The following FAM221A variants were observed in gnomAD, a reference collection of about 807,000 sequenced individuals.
The protein encoded by FAM221A is protein FAM221A.
FAM221A carries 43 observed loss-of-function variants against 37.6 expected under a neutral mutation model. The observed-to-expected ratio is 1.15, with a 90% CI of 0.90 to 1.48. The LOEUF (loss-of-function observed/expected upper bound fraction) is 1.48, where lower values mean the gene tolerates loss of function less well. FAM221A is among the 40% of genes most tolerant of loss of function. The probability of loss-of-function intolerance (pLI) is 0.00; values close to 1 mark genes in which losing one functional copy is unlikely to be tolerated. For missense variants in FAM221A, 361 were observed against 361.5 expected (o/e 1.00, Z 0.01); for synonymous variants, 135 against 132.9 (o/e 1.02, Z -0.11).
At chr7:23,684,048 G>A (rs891326364) in intron 1 of FAM221A, among the ~76,000 whole-genome samples, 1 of 151,880 alleles carries the variant, frequency 6.6e-6, no homozygotes, top group African/African-American at 2.4e-5. Flanking sequence ...TCCAGGTGCT[G>A]GGGTGATTAC....
At chr7:23,681,999 G>A (rs1315801555) in intron 1 of FAM221A, among the ~76,000 whole-genome samples, 1 of 152,110 alleles carries the variant, frequency 6.6e-6, no homozygotes, top group Non-Finnish European at 1.5e-5. Flanking sequence ...ACTGTGGGAG[G>A]CCCTGACCAG....
rs1785186052 is a variant in FAM221A, at chr7:23,698,240, G to A, written c.686G>A (p.Ser229Asn). Residue 229 changes from serine to asparagine, a missense_variant, in exon 5 of 7, where the codon AGC (serine) becomes AAC (asparagine). Transcript: ENST00000344962. ...GAATCTCCCATTACGGCAGTAGACA[G>A]CCCATTCCTAAAAGCATTTCAAGCA... ...FLESPITAVDSPFLKAFQASS... is the reference protein window; with the variant it reads ...FLESPITAVDNPFLKAFQASS... 1.9e-6 allele frequency: 3 copies of A among 1,598,740 alleles called. No individual in the cohort carries two copies. In the East Asian group the frequency reaches 6.8e-5, roughly 36 times the overall value.
chr7:23,700,937 A>T (rs1366792372), intron 6 of FAM221A, 69 bp downstream of exon 6: 1 of 1,002,746 alleles, frequency 1.0e-6, no homozygotes, highest in Non-Finnish European at 1.5e-6. Context: ...ATGATTATAC[A>T]TTGAATGTGG....
chr7:23,680,974 C>T (rs1390797016), intron 1 of FAM221A, among the ~76,000 whole-genome samples: 1 of 152,156 alleles, frequency 6.6e-6, no homozygotes, highest in Non-Finnish European at 1.5e-5. Context: ...GCTCCAGGCT[C>T]CGCCAGGGAG....
intron 2 of FAM221A, chr7:23,687,108 A>C (rs1784421411): frequency 6.6e-6 from 1 of 152,238 alleles, no homozygotes; most frequent in Non-Finnish European, 1.5e-5. Context: ...ATGTGTGTGC[A>C]TAAAATACTG....
chr7:23,699,946 C>T (rs1785304065), intron 5 of FAM221A, among the ~76,000 whole-genome samples: 1 of 152,144 alleles, frequency 6.6e-6, no homozygotes, highest in African/African-American at 2.4e-5. Flanking sequence ...AGGCTGGGCT[C>T]AAATGGTCCC....
At chr7:23,692,529 T>A in intron 4 of FAM221A, 1 of 284,660 alleles carries the variant, frequency 3.5e-6, no homozygotes, top group Middle Eastern at 1.8e-3. Context: ...TTAGTAGAGA[T>A]GGGGGTTTCT....
At chr7:23,681,958 G>A (rs1195002336) in intron 1 of FAM221A, among the ~76,000 whole-genome samples, 1 of 152,072 alleles carries the variant, frequency 6.6e-6, no homozygotes, top group Non-Finnish European at 1.5e-5. Flanking sequence ...GGAGTCGGTT[G>A]GGAGGGGAAG....
intron 6 of FAM221A, among the ~76,000 whole-genome samples, chr7:23,701,245 T>TTC (rs1196362803): frequency 6.8e-6 from 1 of 147,640 alleles, no homozygotes; most frequent in African/African-American, 2.5e-5. Flanking sequence ...TCTCTTTTTT[T>TTC]TTTTTTTTTT....
At chr7:23,685,030 ACG>A in intron 2 of FAM221A, among the ~76,000 whole-genome samples, 1 of 152,214 alleles carries the variant, frequency 6.6e-6, no homozygotes. Flanking sequence ...TGGGTGGATC[ACG>A]AGGTCAGGAG....
At chr7:23,690,470 G>A (rs1186478813) in intron 3 of FAM221A, among the ~76,000 whole-genome samples, 2 of 151,992 alleles carry the variant, frequency 1.3e-5, no homozygotes, top group African/African-American at 4.8e-5. Context: ...CTCCCAAAGT[G>A]CTGGGATTCC....
intron 3 of FAM221A, among the ~76,000 whole-genome samples, chr7:23,690,190 TATA>T (rs1381430271): frequency 5.2e-5 from 3 of 57,648 alleles, no homozygotes; most frequent in Admixed American, 2.1e-4. Context: ...TATATATATA[TATA>T]TATATATTTT....
rs1218214025 is a variant in FAM221A, at chr7:23,690,195, A to AT, written c.430+737dup. On this transcript the variant is annotated intron_variant, in intron 3 of 6. Coordinates refer to ENST00000344962, the MANE Select transcript of FAM221A (RefSeq NM_199136.5). ...CATATATATATATATATATATATAT[A>AT]TATATTTTTTTTTTTTTTAATAGAG... Among the ~76,000 whole-genome samples the AT allele has an allele frequency of 7.9e-3, 307 of 38,658 alleles. 1 individual carries two copies. The highest frequency in any genetic ancestry group is 0.021 in the African/African-American group (208 of 10,096). 25.4% of individuals were successfully genotyped at this position (38,658 alleles called of 152,430 possible).
chr7:23,685,292 CAAAACAAAACA>C (rs1784305871), intron 2 of FAM221A, among the ~76,000 whole-genome samples: 1 of 151,480 alleles, frequency 6.6e-6, no homozygotes, highest in East Asian at 1.9e-4. Flanking sequence ...CAAAACAAAA[CAAAACAAAACA>C]AAACCCCACA....
At chr7:23,702,905 T>C (rs931799679), downstream of FAM221A, 2 of 152,300 alleles carry the variant, frequency 1.3e-5, no homozygotes, top group Non-Finnish European at 2.9e-5. Context: ...TGCTTCCTTC[T>C]GCAGGGATCT....
rs10533703 is a variant in FAM221A at position 23,682,371 on chromosome 7, ATGTGTGTGTGTGTGTG to A, written c.65+2100_66-2101del. Among the ~76,000 whole-genome samples the A allele has an allele frequency of 7.7e-3, 1,060 of 138,126 alleles. 2 individuals are homozygous for A. Among genetic ancestry groups the A allele is most frequent in the South Asian group, 0.023 (99 of 4,268 alleles). The allele number at this position is 138,126 out of a possible 152,430, so 90.6% of individuals were successfully genotyped here. Reference sequence around the variant, plus strand: ...GTGAGCCACCACATCTGGCTTTATCATGTGTGTGTGTGTGTGTGTGTGTGTGTATGTATATATATAT... The same window carrying A: ...GTGAGCCACCACATCTGGCTTTATCATGTGTGTGTGTATGTATATATATAT... On this transcript the variant is annotated intron_variant, in intron 1 of 6. Transcript: ENST00000344962.
chr7:23,689,367 A>C lies in FAM221A; in HGVS notation c.338A>C (p.Tyr113Ser), dbSNP rs1390683060. The change falls in exon 3 of 7, where the codon TAT becomes TCT. Residue 113 changes from tyrosine (Y) to serine (S), a missense_variant. Coordinates refer to ENST00000344962, the MANE Select transcript of FAM221A (RefSeq NM_199136.5). Reference sequence around the variant, plus strand: ...GGCTGCCAGTGCAGGGCTTACCTTTATGTCCCCTTGAATGGTAGCCAGCCC... The same window carrying C: ...GGCTGCCAGTGCAGGGCTTACCTTTCTGTCCCCTTGAATGGTAGCCAGCCC... ...VTGCQCRAYL[Y>S]VPLNGSQPIR... 2 of 1,609,044 alleles carry C rather than the reference A, an allele frequency of 1.2e-6. No individual in the cohort carries two copies. Among genetic ancestry groups the C allele is most frequent in the African/African-American group, 2.7e-5 (2 of 74,966 alleles).
In FAM221A at chr7:23,698,229, G is replaced by A. The variant is rs567087303; in HGVS notation, c.675G>A (p.Thr225=). ...PSVEFLESPI[T]AVDSPFLKAF... ...TTGAATTTTTAGAATCTCCCATTAC[G>A]GCAGTAGACAGCCCATTCCTAAAAG... is the stretch of plus-strand genomic sequence containing the variant. Residue 225 remains threonine, a synonymous_variant, in exon 5 of 7, where the codon ACG becomes ACA. Transcript: ENST00000344962. 36 of 1,595,710 alleles carry A rather than the reference G, an allele frequency of 2.3e-5. No homozygotes were observed. The highest frequency in any genetic ancestry group is 2.9e-5 in the Non-Finnish European group (34 of 1,169,550).
At chr7:23,695,369 ATTAAGT>A (rs543029793) in intron 4 of FAM221A, among the ~76,000 whole-genome samples, 119 of 152,250 alleles carry the variant, frequency 7.8e-4, no homozygotes, top group African/African-American at 2.7e-3. Context: ...GCACAATCTT[ATTAAGT>A]TTATTTCTAG....
Sources: gnomAD v4.1 joint callset for allele counts (sites outside exome capture counted in the v4.1 genomes callset) on GRCh38, gnomAD v4.1.1 for gene constraint, MANE v1.5 for transcripts, NCBI Gene and HGNC (gene_info 2026-07-23, HGNC 2026-07-21) for gene names.